UTRN: variants seen among roughly 807,000 people sequenced by gnomAD.
UTRN encodes the protein dystrophin-related protein 1.
UTRN carries 283 observed loss-of-function variants against 463.9 expected under a neutral mutation model. That is an observed-to-expected ratio of 0.61 (90% CI 0.55 to 0.67). The LOEUF is 0.67. Ranked by LOEUF, UTRN falls within the 30% of genes least tolerant of loss-of-function variation. UTRN has a pLI of 0.00. For missense variants in UTRN, 3,922 were observed against 4,084.3 expected (o/e 0.96, Z 1.08); for synonymous variants, 1,442 against 1,431.5 (o/e 1.01, Z -0.17).
intron 50 of UTRN, among the ~76,000 whole-genome samples, chr6:144,572,652 G>C (rs1562591530): frequency 6.6e-6 from 1 of 152,070 alleles, no homozygotes; most frequent in African/African-American, 2.4e-5. Context: ...GCAGTGTTTG[G>C]TTTTATGTTC....
chr6:144,308,686 C>G (rs1209450395), intron 2 of UTRN, among the ~76,000 whole-genome samples: 1 of 152,178 alleles, frequency 6.6e-6, no homozygotes, highest in Admixed American at 6.5e-5. Flanking sequence ...AGAACCCACC[C>G]AAGGCCACCC....
intron 58 of UTRN, among the ~76,000 whole-genome samples, chr6:144,764,514 G>A (rs1793051323): frequency 6.6e-6 from 1 of 152,042 alleles, no homozygotes; most frequent in Non-Finnish European, 1.5e-5. Context: ...AGCCTTACTG[G>A]GCAATTTGAT....
At chr6:144,533,334 A>G (rs1585153668) in intron 43 of UTRN, 74 bp downstream of exon 43, 3 of 1,548,828 alleles carry the variant, frequency 1.9e-6, no homozygotes, top group Non-Finnish European at 2.6e-6. Flanking sequence ...ATGCAATCTA[A>G]TGAGTTCTTT....
Position 144,436,090 on chromosome 6 carries a change from TA to T in UTRN, c.1012del (p.Ile338PhefsTer19). On this transcript the variant is annotated frameshift_variant, in exon 10 of 75. Coordinates refer to ENST00000367545, the MANE Select transcript of UTRN (RefSeq NM_007124.3). LOFTEE classifies it high-confidence loss of function. Reference sequence around the variant, plus strand: ...AGGACACTTTCCAGGAGCAGGATGATATTTCTGATGATGTTGAAGAAGTCAA... The same window carrying T: ...AGGACACTTTCCAGGAGCAGGATGATTTTCTGATGATGTTGAAGAAGTCAA... ...AEDTFQEQDD[I>X]SDDVEEVKDQ... 1 of 1,614,246 alleles carries T rather than the reference TA, an allele frequency of 6.2e-7. No homozygotes were observed. The highest frequency in any genetic ancestry group is 8.5e-7 in the Non-Finnish European group (1 of 1,180,056).
intron 51 of UTRN, among the ~76,000 whole-genome samples, chr6:144,608,918 T>C (rs1805174252): frequency 6.6e-6 from 1 of 152,010 alleles, no homozygotes; most frequent in Non-Finnish European, 1.5e-5. Context: ...ATTCAAAACA[T>C]ACAACCACAG....
At chr6:144,382,958 T>G (rs150198467) in intron 2 of UTRN, among the ~76,000 whole-genome samples, 2 of 152,230 alleles carry the variant, frequency 1.3e-5, no homozygotes, top group East Asian at 3.9e-4. Context: ...ATGAGACAGG[T>G]TCTCACTCTG....
rs548694224 is a variant in UTRN, at chr6:144,726,284, C to T, written c.7810-4073C>T. On this transcript the variant is annotated intron_variant, in intron 53 of 74. Coordinates refer to ENST00000367545, the MANE Select transcript of UTRN (RefSeq NM_007124.3). ...GCCTGACCTCCGCCCACACCTTCAG[C>T]TTCAGCTGCTACCGCTCTCTGAGTA... Among the ~76,000 whole-genome samples the T allele has an allele frequency of 1.3e-4, 20 of 152,338 alleles. No homozygotes were observed. The South Asian group carries it at 4.1e-3, about 32-fold the overall frequency.
intron 33 of UTRN, among the ~76,000 whole-genome samples, chr6:144,495,096 C>T (rs995493676): frequency 1.3e-5 from 2 of 152,270 alleles, no homozygotes; most frequent in African/African-American, 4.8e-5. Flanking sequence ...CCCAGTGGAT[C>T]CCGCACCCGG....
At chr6:144,384,197 A>G (rs1050372293) in intron 2 of UTRN, among the ~76,000 whole-genome samples, 3 of 152,088 alleles carry the variant, frequency 2.0e-5, no homozygotes, top group Admixed American at 6.5e-5. Context: ...TACCCATTAA[A>G]CCAGGGGTCC....
intron 65 of UTRN, among the ~76,000 whole-genome samples, chr6:144,812,293 A>G (rs1489527081): frequency 6.6e-6 from 1 of 152,182 alleles, no homozygotes; most frequent in Non-Finnish European, 1.5e-5. Flanking sequence ...GGATAATAAT[A>G]AGAGTCCTTT....
Position 144,554,903 on chromosome 6 carries a change from A to T in UTRN, c.7134+10A>T. On this transcript the variant is annotated intron_variant, in intron 49 of 74. Transcript: ENST00000367545. Reference sequence around the variant, plus strand: ...AATTTCTGATAACCAAGTAAGACTCATCAGATATTTTTTGGCAGTATTGTT... The same window carrying T: ...AATTTCTGATAACCAAGTAAGACTCTTCAGATATTTTTTGGCAGTATTGTT... The T allele has an allele frequency of 6.2e-7, 1 of 1,613,530 alleles. No individual in the cohort carries two copies. The highest frequency in any genetic ancestry group is 1.7e-4 in the Middle Eastern group (1 of 6,054).
chr6:144,329,712 T>C (rs1382972440), intron 2 of UTRN, among the ~76,000 whole-genome samples: 1 of 152,218 alleles, frequency 6.6e-6, no homozygotes, highest in Non-Finnish European at 1.5e-5. Context: ...TGAAAAGATC[T>C]AATTGCTTTT....
intron 41 of UTRN, among the ~76,000 whole-genome samples, chr6:144,530,789 CAT>C (rs1491227340): frequency 6.6e-6 from 1 of 151,628 alleles, no homozygotes; most frequent in Non-Finnish European, 1.5e-5. Context: ...CGTGAGTGTG[CAT>C]GTGTGTGTGT....
intron 48 of UTRN, 93 bp downstream of exon 48, chr6:144,551,175 ATTTT>A: frequency 4.1e-6 from 3 of 731,518 alleles, no homozygotes; most frequent in African/African-American, 1.8e-5. Context: ...ACACAAACAC[ATTTT>A]CAAAGATTAT....
At chr6:144,566,864 G>C (rs891212981) in intron 50 of UTRN, among the ~76,000 whole-genome samples, 1 of 152,068 alleles carries the variant, frequency 6.6e-6, no homozygotes, top group African/African-American at 2.4e-5. Flanking sequence ...AAGTTTGCAG[G>C]GAACCCCATG....
At chr6:144,627,071 C>T (rs1776019385) in intron 51 of UTRN, among the ~76,000 whole-genome samples, 1 of 152,032 alleles carries the variant, frequency 6.6e-6, no homozygotes, top group South Asian at 2.1e-4. Flanking sequence ...TAACCTTTTG[C>T]CCTACCTGTG....
At chr6:144,321,093 C>T (rs1212586609) in intron 2 of UTRN, among the ~76,000 whole-genome samples, 1 of 152,116 alleles carries the variant, frequency 6.6e-6, no homozygotes, top group Non-Finnish European at 1.5e-5. Context: ...TAATTTTAAC[C>T]TGAAACACTG....
intron 3 of UTRN, among the ~76,000 whole-genome samples, chr6:144,409,925 G>C (rs1783737285): frequency 6.6e-6 from 1 of 152,176 alleles, no homozygotes; most frequent in Admixed American, 6.5e-5. Context: ...AGACGTCAAA[G>C]TCTGGACAGA....
intron 46 of UTRN, among the ~76,000 whole-genome samples, chr6:144,548,266 A>C (rs1165382376): frequency 6.6e-6 from 1 of 152,224 alleles, no homozygotes; most frequent in African/African-American, 2.4e-5. Context: ...CTAAGAATAA[A>C]ATATGCTCAC....
Sources: gnomAD v4.1 joint callset for allele counts (sites outside exome capture counted in the v4.1 genomes callset) on GRCh38, gnomAD v4.1.1 for gene constraint, MANE v1.5 for transcripts, NCBI Gene and HGNC (gene_info 2026-07-23, HGNC 2026-07-21) for gene names.